Variants in PRKCZ observed in about 807,000 individuals in gnomAD.
PRKCZ encodes protein kinase C zeta type.
In PRKCZ, 33 loss-of-function variants were observed where a neutral mutation model predicts 79.5. The observed-to-expected ratio is 0.41, with a 90% confidence interval of 0.31 to 0.55. The LOEUF (loss-of-function observed/expected upper bound fraction) is 0.55. Among genes scored for constraint, PRKCZ ranks in the 20% least tolerant of loss-of-function variants. The probability of loss-of-function intolerance (pLI) is 0.19; values close to 1 mark genes in which losing one functional copy is unlikely to be tolerated. For missense variants in PRKCZ, 578 were observed against 813.5 expected (o/e 0.71, Z 3.52); for synonymous variants, 342 against 320.9 (o/e 1.07, Z -0.70).
intron 4 of PRKCZ, among the ~76,000 whole-genome samples, chr1:2,060,051 G>T (rs1166752219): frequency 6.6e-6 from 1 of 152,222 alleles, no homozygotes; most frequent in African/African-American, 2.4e-5. Context: ...GCTTCAGAGG[G>T]AAGCTTCTGA....
chr1:2,100,161 A>T (rs998331813), intron 4 of PRKCZ, among the ~76,000 whole-genome samples: 1 of 152,022 alleles, frequency 6.6e-6, no homozygotes, highest in African/African-American at 2.4e-5. Context: ...CCCCACCACC[A>T]CCCCCAAATG....
rs1176371362 is a variant in PRKCZ, at chr1:2,173,551, GCTT to G, written c.1286-341_1286-339del. Among the ~76,000 whole-genome samples the G allele has an allele frequency of 1.3e-5, 2 of 152,356 alleles. No individual in the cohort carries two copies. The highest frequency in any genetic ancestry group is 3.9e-4 in the East Asian group (2 of 5,188). On this transcript the variant is annotated intron_variant, in intron 13 of 17. Transcript: ENST00000378567. This position sits in a 1 kb window ranked among gnomAD's most constrained non-coding sequence, Gnocchi z 5.7. ...GTATTTCCGTTACTGCAGCGAAAGGGCTTCTTCAAGCTTAGTTCTGTAGAAGCA... is the reference window on the plus strand; with the variant it reads ...GTATTTCCGTTACTGCAGCGAAAGGGCTTCAAGCTTAGTTCTGTAGAAGCA...
At chr1:2,160,560 G>A (rs1178698935) in intron 10 of PRKCZ, among the ~76,000 whole-genome samples, 2 of 152,236 alleles carry the variant, frequency 1.3e-5, no homozygotes, top group Non-Finnish European at 2.9e-5. Context: ...GCTGGACTTG[G>A]CCAAGAGGCC....
intron 16 of PRKCZ, among the ~76,000 whole-genome samples, chr1:2,175,766 A>G (rs568689771): frequency 1.3e-5 from 2 of 151,990 alleles, no homozygotes; most frequent in South Asian, 2.1e-4. Context: ...GGGGAGACAC[A>G]TTTCGTCCTC....
At chr1:2,054,945 T>C (rs1458552701) in intron 1 of PRKCZ, among the ~76,000 whole-genome samples, 1 of 151,284 alleles carries the variant, frequency 6.6e-6, no homozygotes, top group Non-Finnish European at 1.5e-5. Flanking sequence ...GTGGTCATTT[T>C]TTTTTTTTTT....
intron 4 of PRKCZ, chr1:2,074,877 C>G (rs1198642476): frequency 1.3e-5 from 2 of 150,736 alleles, no homozygotes; most frequent in Admixed American, 1.3e-4. Flanking sequence ...AAAAAAACAA[C>G]AAAAAACCAA....
chr1:2,164,636 G>C (rs556963745), intron 10 of PRKCZ, among the ~76,000 whole-genome samples: 1 of 152,182 alleles, frequency 6.6e-6, no homozygotes, highest in South Asian at 2.1e-4. Flanking sequence ...AACCATGAGC[G>C]TTCCCTGCAC....
intron 16 of PRKCZ, 93 bp from the exon 17 acceptor site, chr1:2,184,488 CTG>C: frequency 2.4e-6 from 2 of 848,012 alleles, no homozygotes; most frequent in South Asian, 1.7e-5. Flanking sequence ...GACTTTCTCA[CTG>C]TTTCATTTTG....
At chr1:2,049,382 G>A (rs1659466529), upstream of PRKCZ, 1 of 152,214 alleles carries the variant, frequency 6.6e-6, no homozygotes, top group Admixed American at 6.5e-5. Flanking sequence ...GTAGGAGAGG[G>A]GCCTCCTGTC....
chr1:2,114,059 G>A (rs1355794291), intron 4 of PRKCZ, among the ~76,000 whole-genome samples: 1 of 152,154 alleles, frequency 6.6e-6, no homozygotes, highest in Non-Finnish European at 1.5e-5. Context: ...CGTGGGTGAG[G>A]GTATGGCCGG....
chr1:2,084,804 C>G (rs1664186320), intron 4 of PRKCZ, among the ~76,000 whole-genome samples: 1 of 152,010 alleles, frequency 6.6e-6, no homozygotes, highest in Non-Finnish European at 1.5e-5. Context: ...CAGGAGTTTT[C>G]AAGACCAGCC....
Position 2,174,540 on chromosome 1 carries a change from C to T in PRKCZ, c.1406-214C>T, listed in dbSNP as rs895686863. ...GGAAGGGGAGCTGCTGGTTCACGTCCGATCCTACGACACGTGCCAGCGCAT... is the reference window on the plus strand; with the variant it reads ...GGAAGGGGAGCTGCTGGTTCACGTCTGATCCTACGACACGTGCCAGCGCAT... On this transcript the variant is annotated intron_variant, in intron 14 of 17. Transcript: ENST00000378567. The surrounding 1 kb of genome is among the most constrained non-coding windows in gnomAD (Gnocchi z 6.2). 6.6e-6 allele frequency among the ~76,000 whole-genome samples: 1 copy of T among 152,350 alleles called. No homozygotes were observed. Among genetic ancestry groups the T allele is most frequent in the Non-Finnish European group, 1.5e-5 (1 of 68,032 alleles).
rs1025736584 is a variant in PRKCZ at position 2,149,887 on chromosome 1, G to A, written c.688-903G>A. Among the ~76,000 whole-genome samples, 3 of 150,848 alleles carry A rather than the reference G, an allele frequency of 2.0e-5. No homozygotes were observed. Among genetic ancestry groups the A allele is most frequent in the Non-Finnish European group, 4.4e-5 (3 of 67,852 alleles). ...AAAAAAGCAGAATCCGGCTGGGCGC[G>A]GTGGCTCACGCCTGTAATCCCAGCA... On this transcript the variant is annotated intron_variant, in intron 8 of 17. Coordinates refer to ENST00000378567, the MANE Select transcript of PRKCZ (RefSeq NM_002744.6). The surrounding 1 kb of genome is among the most constrained non-coding windows in gnomAD (Gnocchi z 4.1).
intron 4 of PRKCZ, among the ~76,000 whole-genome samples, chr1:2,114,147 C>G (rs1298532555): frequency 6.7e-6 from 1 of 150,306 alleles, no homozygotes; most frequent in East Asian, 2.0e-4. Flanking sequence ...ACCCTCCCAC[C>G]CCAGCTTTTC....
chr1:2,050,865 A>G (rs1571053191), intron 1 of PRKCZ, 164 bp downstream of exon 1: 1 of 415,278 alleles, frequency 2.4e-6, no homozygotes, highest in East Asian at 3.8e-5. Flanking sequence ...CGTGAGCGTC[A>G]CCCGCGGACA....
rs999395452 is a variant in PRKCZ, at chr1:2,080,444, C to G, written c.334+20853C>G. ...AGGGTTTTAAGGAGGGCAAAGGCCC[C>G]TCTGTTTGTTTTTCCTTGATGCTGC... On this transcript the variant is annotated intron_variant, in intron 4 of 17. Transcript: ENST00000378567. 1.4e-4 allele frequency among the ~76,000 whole-genome samples: 21 copies of G among 146,396 alleles called. No individual in the cohort carries two copies. The East Asian group carries it at 2.1e-3, about 15-fold the overall frequency.
Position 2,050,667 on chromosome 1 carries a change from G to A in PRKCZ, c.37G>A (p.Gly13Ser). The A allele has an allele frequency of 8.1e-7, 1 of 1,227,674 alleles. No homozygotes were observed. The highest frequency in any genetic ancestry group is 1.0e-6 in the Non-Finnish European group (1 of 985,178). The allele number at this position is 1,227,674 out of a possible 1,614,324, so 76.0% of individuals were successfully genotyped here. A position where few individuals can be genotyped will look rare whatever the true frequency, so the allele number is the denominator to read the frequency against. ...SRTGPKMEGS[G>S]GRVRLKAHYG... ...GACCGGCCCCAAGATGGAAGGGAGCGGCGGCCGCGTCCGCCTCAAGGCGCA... is the reference window on the plus strand; with the variant it reads ...GACCGGCCCCAAGATGGAAGGGAGCAGCGGCCGCGTCCGCCTCAAGGCGCA... Residue 13 changes from glycine (G) to serine (S), a missense_variant, in exon 1 of 18, where the codon GGC becomes AGC. This residue lies in a region of PRKCZ where 228 missense variants were observed against 211.6 expected (regional missense o/e 1.08). Coordinates refer to ENST00000378567, the MANE Select transcript of PRKCZ (RefSeq NM_002744.6).
chr1:2,055,524 A>T lies in PRKCZ; in HGVS notation c.155A>T (p.Gln52Leu). ...EEVRDMCRLH[Q>L]QHPLTLKWVD... Reference sequence around the variant, plus strand: ...GTGAGAGACATGTGTCGTCTGCACCAGCAGCACCCGCTCACCCTCAAGTGG... The same window carrying T: ...GTGAGAGACATGTGTCGTCTGCACCTGCAGCACCCGCTCACCCTCAAGTGG... The change falls in exon 2 of 18, where the codon CAG (glutamine) becomes CTG (leucine). Residue 52 changes from glutamine to leucine, a missense_variant. Transcript: ENST00000378567. The T allele has an allele frequency of 6.2e-7, 1 of 1,614,134 alleles. No homozygotes were observed. The highest frequency in any genetic ancestry group is 8.5e-7 in the Non-Finnish European group (1 of 1,180,002).
chr1:2,099,068 CG>C (rs1486907728), intron 4 of PRKCZ, among the ~76,000 whole-genome samples: 1 of 151,846 alleles, frequency 6.6e-6, no homozygotes, highest in Admixed American at 6.6e-5. Flanking sequence ...CTGTGACTTC[CG>C]TTGTTGTCTG....
Sources: gnomAD v4.1 joint callset for allele counts (sites outside exome capture counted in the v4.1 genomes callset) on GRCh38, gnomAD v4.1.1 for gene constraint, gnomAD v4.1.1 regional missense constraint, Gnocchi (gnomAD v3.1) non-coding constraint, MANE v1.5 for transcripts, NCBI Gene and HGNC (gene_info 2026-07-23, HGNC 2026-07-21) for gene names.